SGK1: variants seen among roughly 807,000 people sequenced by gnomAD.
SGK1 encodes serine/threonine-protein kinase Sgk1.
A neutral mutation model predicts 64.2 loss-of-function variants in SGK1; 26 were observed. That is an observed-to-expected ratio of 0.40 (90% CI 0.30 to 0.56). The LOEUF is 0.56. Ranked by LOEUF, SGK1 falls within the 20% of genes least tolerant of loss-of-function variation. SGK1 has a pLI of 0.38. For synonymous variants in SGK1, 265 were observed against 239.7 expected, an observed-to-expected ratio of 1.11 and a Z score of -0.98; for missense variants, 519 against 645.6, an observed-to-expected ratio of 0.80 and a Z score of 2.12.
At chr6:134,186,805 C>A (rs913288688) in intron 3 of SGK1, among the ~76,000 whole-genome samples, 24 of 151,882 alleles carry the variant, frequency 1.6e-4, no homozygotes, top group African/African-American at 5.8e-4. Flanking sequence ...CAGACATACA[C>A]TTCTGGGTTT....
chr6:134,294,099 A>C (rs923444578), intron 1 of SGK1, among the ~76,000 whole-genome samples: 1 of 152,220 alleles, frequency 6.6e-6, no homozygotes, highest in Non-Finnish European at 1.5e-5. Context: ...AAACAACAGC[A>C]AAGAACCCTT....
chr6:134,261,590 AC>A (rs1562267686), intron 2 of SGK1: 1 of 533,414 alleles, frequency 1.9e-6, no homozygotes, highest in Non-Finnish European at 3.3e-6. Flanking sequence ...ATTAGTCCAA[AC>A]CCATAGAATG....
chr6:134,242,049 A>C (rs769757510), intron 2 of SGK1, among the ~76,000 whole-genome samples: 1 of 152,214 alleles, frequency 6.6e-6, no homozygotes, highest in Non-Finnish European at 1.5e-5. Flanking sequence ...AGAAGGGATT[A>C]ATGTGGCTAA....
intron 2 of SGK1, among the ~76,000 whole-genome samples, chr6:134,233,949 A>G (rs565788685): frequency 6.6e-6 from 1 of 152,346 alleles, no homozygotes; most frequent in Non-Finnish European, 1.5e-5. Context: ...AAATTTCTAG[A>G]AATTCATCTT....
At chr6:134,203,480 G>A (rs986911451) in intron 3 of SGK1, among the ~76,000 whole-genome samples, 2 of 152,070 alleles carry the variant, frequency 1.3e-5, no homozygotes, top group African/African-American at 4.8e-5. Flanking sequence ...ATTACATTAA[G>A]TATAAAGGGG....
chr6:134,199,897 T>C (rs896210169), intron 3 of SGK1, among the ~76,000 whole-genome samples: 4 of 152,174 alleles, frequency 2.6e-5, no homozygotes, highest in African/African-American at 9.7e-5. Flanking sequence ...GCAAAACCAG[T>C]GTCTAGCTAA....
At chr6:134,247,983 T>C (rs528001651) in intron 2 of SGK1, among the ~76,000 whole-genome samples, 1 of 152,150 alleles carries the variant, frequency 6.6e-6, no homozygotes, top group Admixed American at 6.6e-5. Context: ...AGCCTATGAC[T>C]TCTGCTTGCA....
At chr6:134,288,706 T>C (rs1434116726) in intron 1 of SGK1, among the ~76,000 whole-genome samples, 1 of 87,486 alleles carries the variant, frequency 1.1e-5, no homozygotes, top group African/African-American at 5.0e-5. Flanking sequence ...TCGGAAGTTC[T>C]AAATACTTTT....
chr6:134,208,933 A>G (rs1225701958), intron 2 of SGK1, among the ~76,000 whole-genome samples: 1 of 150,376 alleles, frequency 6.6e-6, no homozygotes, highest in East Asian at 2.0e-4. Context: ...TTTTTCGTAT[A>G]TGATTTCTTT....
intron 3 of SGK1, among the ~76,000 whole-genome samples, chr6:134,187,711 G>A (rs951486232): frequency 2.6e-5 from 4 of 152,246 alleles, no homozygotes; most frequent in Non-Finnish European, 5.9e-5. Context: ...CAGAAGCAGT[G>A]CTGTGTCTGT....
At chr6:134,311,480 TAAA>T (rs879281450) in intron 1 of SGK1, among the ~76,000 whole-genome samples, 1 of 144,962 alleles carries the variant, frequency 6.9e-6, no homozygotes, top group East Asian at 2.0e-4. Flanking sequence ...CTGTCTCTAC[TAAA>T]AAAAAAAATA....
At chr6:134,249,214 C>T (rs1407082139) in intron 2 of SGK1, among the ~76,000 whole-genome samples, 3 of 152,228 alleles carry the variant, frequency 2.0e-5, no homozygotes, top group Admixed American at 6.5e-5. Flanking sequence ...AACTCTCTCT[C>T]GTCTATTCTT....
chr6:134,192,609 C>G lies in SGK1; in HGVS notation c.361+14747G>C, dbSNP rs1438586951. The stretch of plus-strand genomic sequence containing the variant: ...CCACCTCCATCCATCCCCCCTCCCC[C>G]CATTCTTTTGAGTGCAGTGGCACGA... On this transcript the variant is annotated intron_variant, in intron 3 of 13. Transcript: ENST00000367858. Among the ~76,000 whole-genome samples, 6 of 151,522 alleles carry G rather than the reference C, an allele frequency of 4.0e-5. No homozygotes were observed. The East Asian group carries it at 1.2e-3, about 29-fold the overall frequency.
intron 1 of SGK1, among the ~76,000 whole-genome samples, chr6:134,305,774 A>G (rs1777526450): frequency 6.6e-6 from 1 of 151,984 alleles, no homozygotes; most frequent in Admixed American, 6.6e-5. Flanking sequence ...AGCCTCCCAA[A>G]GTGCTGGAAT....
rs370176885 is a variant in SGK1 at position 134,190,347 on chromosome 6, A to G, written c.362-15761T>C. Among the ~76,000 whole-genome samples, 214 of 147,440 alleles carry G rather than the reference A, an allele frequency of 1.5e-3. 2 individuals are homozygous for G. The highest frequency in any genetic ancestry group is 5.0e-3 in the African/African-American group (198 of 39,636). On this transcript the variant is annotated intron_variant, in intron 3 of 13. Transcript: ENST00000367858. ...ATCACCCAGGCTAGAGTTCAGTGGC[A>G]TGATCTCGGCTCACTGCAAACTCCG...
At chr6:134,217,291 A>G (rs1435489658) in intron 2 of SGK1, among the ~76,000 whole-genome samples, 1 of 152,198 alleles carries the variant, frequency 6.6e-6, no homozygotes, top group Non-Finnish European at 1.5e-5. Flanking sequence ...AGATGGTCAT[A>G]GAGGGTCAAA....
chr6:134,303,967 C>T (rs1171479746), intron 1 of SGK1, among the ~76,000 whole-genome samples: 3 of 152,088 alleles, frequency 2.0e-5, no homozygotes, highest in Non-Finnish European at 4.4e-5. Context: ...TATATGACAC[C>T]CAGGACTCGG....
At chr6:134,313,691 G>A (rs112991526) in intron 1 of SGK1, among the ~76,000 whole-genome samples, 1 of 152,090 alleles carries the variant, frequency 6.6e-6, no homozygotes, top group Non-Finnish European at 1.5e-5. Flanking sequence ...AATTTCTGAG[G>A]TTCATTCCAC....
chr6:134,193,917 C>A (rs1362919800), intron 3 of SGK1, among the ~76,000 whole-genome samples: 1 of 149,610 alleles, frequency 6.7e-6, no homozygotes, highest in Non-Finnish European at 1.5e-5. Context: ...TGGTAGACAA[C>A]CCAAGCTTAT....
Sources: allele counts gnomAD v4.1 joint callset (sites outside exome capture counted in the v4.1 genomes callset), GRCh38; gene constraint gnomAD v4.1.1; transcripts MANE v1.5; gene names NCBI Gene and HGNC (gene_info 2026-07-23, HGNC 2026-07-21).